ZWINT: variants seen among roughly 807,000 people sequenced by gnomAD.
ZWINT encodes ZW10 interacting kinetochore protein, also known as outer kinetochore KNL1 complex subunit ZWINT.
A neutral mutation model predicts 41.5 loss-of-function variants in ZWINT; 41 were observed. The ratio of observed to expected loss-of-function variants is 0.99; its 90% CI spans 0.77 to 1.28. ZWINT has a LOEUF of 1.28. Among genes scored for constraint, ZWINT ranks in the 50% most tolerant of loss-of-function variants. The pLI, the probability that ZWINT is intolerant of heterozygous loss-of-function variation, is 0.00. For missense variants in ZWINT, 369 were observed against 329.7 expected (o/e 1.12, Z -0.92); for synonymous variants, 132 against 126.8 (o/e 1.04, Z -0.28).
At chr10:56,359,927 T>A in intron 3 of ZWINT, 74 bp from the exon 4 acceptor site, 1 of 1,605,672 alleles carries the variant, frequency 6.2e-7, no homozygotes, top group Non-Finnish European at 8.5e-7. Flanking sequence ...ACACTGGGCC[T>A]CCTTCCCATC....
intron 1 of ZWINT, 35 bp downstream of exon 1, chr10:56,361,161 C>T: frequency 1.2e-6 from 2 of 1,612,238 alleles, no homozygotes; most frequent in Non-Finnish European, 1.7e-6. Context: ...CCTCCCAGGC[C>T]CGGCCCCAGC....
chr10:56,358,686 C>T lies in ZWINT; in HGVS notation c.662G>A (p.Gly221Asp). The T allele has an allele frequency of 6.2e-7, 1 of 1,614,084 alleles. No homozygotes were observed. The highest frequency in any genetic ancestry group is 8.5e-7 in the Non-Finnish European group (1 of 1,180,028). Residue 221 changes from glycine to aspartate, a missense_variant, in exon 7 of 9, where the codon GGT becomes GAT. By Grantham distance (94) the Gly-to-Asp change is moderately conservative. Transcript: ENST00000373944. ...CTCAGCCTCAGGGAACAACAGCTTA[C>T]CCTGCAGGGTATACAGAAGCTGGAG... ...TFLQLLYTLQ[G>D]KLLFPEAEAE...
chr10:56,359,227 T>A (rs1428715670), intron 5 of ZWINT, among the ~76,000 whole-genome samples: 1 of 152,208 alleles, frequency 6.6e-6, no homozygotes, highest in Non-Finnish European at 1.5e-5. Flanking sequence ...GTAATGATCA[T>A]TTAATCATCT....
In ZWINT at chr10:56,361,228, T is replaced by C. The variant is rs757072601; in HGVS notation, c.9A>G (p.Ala3=). The change falls in exon 1 of 9, where the codon GCA becomes GCG. Residue 3 remains alanine, a synonymous_variant. Transcript: ENST00000373944. Reference sequence around the variant, plus strand: ...CTGCAGCTTCCGCCTCTGTCTCCGCTGCCTCCATCTTTCCAGGCGCCGAGT... The same window carrying C: ...CTGCAGCTTCCGCCTCTGTCTCCGCCGCCTCCATCTTTCCAGGCGCCGAGT... ME[A]AETEAEAAAL... is the part of the protein sequence containing the mutation. 9.3e-6 allele frequency: 15 copies of C among 1,612,630 alleles called. No individual in the cohort carries two copies. Among genetic ancestry groups the C allele is most frequent in the East Asian group, 4.5e-5 (2 of 44,880 alleles).
In ZWINT at chr10:56,357,959, T is replaced by C. The variant is rs1016535530; in HGVS notation, c.*268A>G. The C allele has an allele frequency of 1.8e-5, 8 of 437,718 alleles. No individual in the cohort carries two copies. In the Admixed American group the frequency reaches 2.0e-4, roughly 11 times the overall value. The allele number at this position is 437,718 out of a possible 1,614,324, so 27.1% of individuals were successfully genotyped here. A position where few individuals can be genotyped will look rare whatever the true frequency, so the allele number is the denominator to read the frequency against. ...ACCCCCTCCCCATCTGCACACCCTG[T>C]GTTCAAACCAGTCCCAGCTCCTGTC... On this transcript the variant is annotated 3_prime_UTR_variant, in exon 9 of 9. Transcript: ENST00000373944.
chr10:56,358,179 C>T lies in ZWINT; in HGVS notation c.*48G>A, dbSNP rs1564450806. On this transcript the variant is annotated 3_prime_UTR_variant, in exon 9 of 9. Transcript: ENST00000373944. ...ATGATGGTTGGGAGGTGAGGGAAGT[C>T]AGAGGCCTGGGGAAGAAGACAGGGG... 1.3e-6 allele frequency: 1 copy of T among 749,414 alleles called. No individual in the cohort carries two copies. The highest frequency in any genetic ancestry group is 2.6e-5 in the East Asian group (1 of 38,500). The allele number at this position is 749,414 out of a possible 1,614,324, so 46.4% of individuals were successfully genotyped here.
At chr10:56,360,899 G>A (rs1838316635) in intron 1 of ZWINT, among the ~76,000 whole-genome samples, 1 of 152,166 alleles carries the variant, frequency 6.6e-6, no homozygotes, top group African/African-American at 2.4e-5. Context: ...ATGGGGATGA[G>A]AAGTGACTGG....
Position 56,360,113 on chromosome 10 carries a change from C to T in ZWINT, c.161G>A (p.Cys54Tyr). The T allele has an allele frequency of 6.2e-7, 1 of 1,614,124 alleles. No homozygotes were observed. Among genetic ancestry groups the T allele is most frequent in the Non-Finnish European group, 8.5e-7 (1 of 1,180,042 alleles). Reference sequence around the variant, plus strand: ...GAAATCCGCTACCTGAAGCTGGCTGCAGAGCAGCTTGTCTTTCTTCTGAGA... The same window carrying T: ...GAAATCCGCTACCTGAAGCTGGCTGTAGAGCAGCTTGTCTTTCTTCTGAGA... The part of the protein sequence containing the change: ...VDSQKKDKLL[C>Y]SQLQVADFLQ... Residue 54 changes from cysteine (C) to tyrosine (Y), a missense_variant, in exon 3 of 9, where the codon TGC becomes TAC. Cys to Tyr is a radical substitution (Grantham distance 194). Coordinates refer to ENST00000373944, the MANE Select transcript of ZWINT (RefSeq NM_007057.4).
chr10:56,359,654 T>C, intron 4 of ZWINT, 33 bp downstream of exon 4: 1 of 1,612,738 alleles, frequency 6.2e-7, no homozygotes, highest in Non-Finnish European at 8.5e-7. Flanking sequence ...CTAACTGCCC[T>C]TCCCTCCCTG....
At chr10:56,359,119 G>A (rs141316098) in intron 5 of ZWINT, among the ~76,000 whole-genome samples, 172 bp from the exon 6 acceptor site, 63 of 152,310 alleles carry the variant, frequency 4.1e-4, no homozygotes, top group African/African-American at 1.5e-3. Flanking sequence ...ATCAGAATGA[G>A]CTGTTCTAGG....
At chr10:56,359,422 C>T (rs1324770573) in intron 5 of ZWINT, 54 bp downstream of exon 5, 48 of 1,480,954 alleles carry the variant, frequency 3.2e-5, no homozygotes, top group East Asian at 2.7e-4. Context: ...GGGACACAGC[C>T]GATACAATGG....
intron 5 of ZWINT, 29 bp downstream of exon 5, chr10:56,359,447 G>A: frequency 6.6e-7 from 1 of 1,510,978 alleles, no homozygotes; most frequent in Admixed American, 2.3e-5. Flanking sequence ...GTGGTGGGAA[G>A]GGATATTCTC....
intron 1 of ZWINT, among the ~76,000 whole-genome samples, chr10:56,360,645 A>G (rs1290131580): frequency 6.6e-6 from 1 of 152,186 alleles, no homozygotes; most frequent in African/African-American, 2.4e-5. Flanking sequence ...AAAGAGCTGA[A>G]ATTTTAAATA....
Position 56,358,608 on chromosome 10 carries a change from T to C in ZWINT, c.740A>G (p.Gln247Arg). ...DDKPQQPTRP[Q>R]EQSTGDTMGR... is the part of the protein sequence containing the mutation. Reference sequence around the variant, plus strand: ...CATGGTGTCTCCTGTACTCTGCTCCTGGGGTCGAGTCGGCTGCTGGGGTTT... The same window carrying C: ...CATGGTGTCTCCTGTACTCTGCTCCCGGGGTCGAGTCGGCTGCTGGGGTTT... Residue 247 changes from glutamine to arginine, a missense_variant, in exon 7 of 9, where the codon CAG becomes CGG. By Grantham distance (43) the Gln-to-Arg change is conservative. Coordinates refer to ENST00000373944, the MANE Select transcript of ZWINT (RefSeq NM_007057.4). The C allele has an allele frequency of 1.2e-6, 2 of 1,614,122 alleles. No homozygotes were observed. Among genetic ancestry groups the C allele is most frequent in the African/African-American group, 2.7e-5 (2 of 75,016 alleles).
intron 1 of ZWINT, 97 bp downstream of exon 1, chr10:56,361,099 C>T: frequency 7.1e-7 from 1 of 1,403,368 alleles, no homozygotes; most frequent in Non-Finnish European, 9.8e-7. Context: ...CGAACCTCAA[C>T]AGCTGTACAG....
At position 56,358,657 on chromosome 10, in the gene ZWINT, C is replaced by T. The variant is rs1433259077; in HGVS notation, c.691G>A (p.Glu231Lys). Reference protein sequence around the residue: ...GKLLFPEAEAEAENLPDDKPQ... With the variant: ...GKLLFPEAEAKAENLPDDKPQ... ...TTATCATCTGGAAGATTCTCTGCCTCAGCCTCAGCCTCAGGGAACAACAGC... is the reference window on the plus strand; with the variant it reads ...TTATCATCTGGAAGATTCTCTGCCTTAGCCTCAGCCTCAGGGAACAACAGC... The change falls in exon 7 of 9, where the codon GAG becomes AAG. Residue 231 changes from glutamate to lysine, a missense_variant. Transcript: ENST00000373944. 4.3e-6 allele frequency: 7 copies of T among 1,613,716 alleles called. No homozygotes were observed. The South Asian group carries it at 7.7e-5, about 18-fold the overall frequency.
In ZWINT at chr10:56,359,448, G is replaced by C. The variant is rs1021063189; in HGVS notation, c.480+28C>G. On this transcript the variant is annotated intron_variant, in intron 5 of 8. Transcript: ENST00000373944. Reference sequence around the variant, plus strand: ...GATACAATGGCATGGTGGTGGGAAGGGATATTCTCCTAGGGGGACGAACCT... The same window carrying C: ...GATACAATGGCATGGTGGTGGGAAGCGATATTCTCCTAGGGGGACGAACCT... 15 of 1,512,048 alleles carry C rather than the reference G, an allele frequency of 9.9e-6. No homozygotes were observed. In the Admixed American group the frequency reaches 3.4e-4, roughly 34 times the overall value. The allele number at this position is 1,512,048 out of a possible 1,614,324, so 93.7% of individuals were successfully genotyped here.
chr10:56,358,360 C>G lies in ZWINT; in HGVS notation c.*41+17G>C. 1 of 1,599,198 alleles carries G rather than the reference C, an allele frequency of 6.3e-7. No individual in the cohort carries two copies. The highest frequency in any genetic ancestry group is 8.6e-7 in the Non-Finnish European group (1 of 1,166,562). ...CACTTGCAGTCCAGGGACACCAAGG[C>G]CTGAGTTGGGTCTGACCTTTTCTAG... On this transcript the variant is annotated intron_variant, in intron 8 of 8. Transcript: ENST00000373944.
chr10:56,358,491 G>A (rs752020800), intron 7 of ZWINT, 32 bp from the exon 8 acceptor site: 2 of 1,614,020 alleles, frequency 1.2e-6, no homozygotes, highest in Non-Finnish European at 1.7e-6. Flanking sequence ...CAGTGGGTAA[G>A]GCCAATCTCC....
Sources: gnomAD v4.1 joint callset for allele counts (sites outside exome capture counted in the v4.1 genomes callset) on GRCh38, gnomAD v4.1.1 for gene constraint, MANE v1.5 for transcripts, NCBI Gene and HGNC (gene_info 2026-07-23, HGNC 2026-07-21) for gene names.